The following PARP8 variants were observed in gnomAD, a reference collection of about 807,000 sequenced individuals.
The protein encoded by PARP8 is poly(ADP-ribose) polymerase family member 8, also known as protein mono-ADP-ribosyltransferase PARP8.
PARP8 carries 51 observed loss-of-function variants against 124.1 expected under a neutral mutation model. That is an observed-to-expected ratio of 0.41 (90% CI 0.33 to 0.52). The LOEUF (loss-of-function observed/expected upper bound fraction) is 0.52, where lower values mean the gene tolerates loss of function less well. Ranked by LOEUF, PARP8 falls within the 20% of genes least tolerant of loss-of-function variation. The pLI, the probability that PARP8 is intolerant of heterozygous loss-of-function variation, is 0.21. For missense variants in PARP8, 860 were observed against 1,018.9 expected (o/e 0.84, Z 2.12); for synonymous variants, 391 against 361.5 (o/e 1.08, Z -0.93).
chr5:50,747,771 T>A (rs1484603980), intron 2 of PARP8, among the ~76,000 whole-genome samples: 1 of 121,582 alleles, frequency 8.2e-6, no homozygotes, highest in Admixed American at 8.1e-5. Flanking sequence ...CTTTTTTTTT[T>A]TTTTTTTTTT....
intron 24 of PARP8, 148 bp downstream of exon 24, chr5:50,834,196 G>A (rs1747310699): frequency 1.7e-6 from 1 of 605,300 alleles, no homozygotes; most frequent in Non-Finnish European, 2.8e-6. Context: ...GCAAAAACGG[G>A]TACCGTAGAG....
chr5:50,803,442 T>G (rs1450162049), intron 14 of PARP8, among the ~76,000 whole-genome samples: 1 of 152,186 alleles, frequency 6.6e-6, no homozygotes, highest in African/African-American at 2.4e-5. Context: ...CCTCTTTCCT[T>G]CTGGAATTTC....
rs578081470 is a variant in PARP8 at position 50,695,811 on chromosome 5, G to GT, written c.146+27691dup. Among the ~76,000 whole-genome samples, 50 of 152,184 alleles carry GT rather than the reference G, an allele frequency of 3.3e-4. 1 individual carries two copies. In the East Asian group the frequency reaches 7.1e-3, roughly 22 times the overall value. ...TCAAGCTTTAGTGTACCTGAACAAT[G>GT]TTTTTGTGATTTAGAGCTGCTATGG... On this transcript the variant is annotated intron_variant, in intron 2 of 25. Coordinates refer to ENST00000281631, the MANE Select transcript of PARP8 (RefSeq NM_024615.4).
chr5:50,732,213 A>G (rs1757038485), intron 2 of PARP8, among the ~76,000 whole-genome samples: 2 of 152,234 alleles, frequency 1.3e-5, no homozygotes, highest in Admixed American at 6.5e-5. Flanking sequence ...TAGAAATACA[A>G]TACGATACAT....
intron 7 of PARP8, among the ~76,000 whole-genome samples, chr5:50,767,993 G>A (rs780364868): frequency 5.9e-5 from 9 of 151,438 alleles, no homozygotes; most frequent in African/African-American, 1.5e-4. Context: ...ATGCATGCAC[G>A]TATGTGTATA....
At chr5:50,744,932 A>G (rs980983357) in intron 2 of PARP8, 12 of 581,422 alleles carry the variant, frequency 2.1e-5, no homozygotes, top group South Asian at 1.1e-4. Flanking sequence ...TCTGCAATCT[A>G]CTTAAGCTTT....
chr5:50,680,060 A>G (rs1751114679), intron 2 of PARP8, among the ~76,000 whole-genome samples: 1 of 152,176 alleles, frequency 6.6e-6, no homozygotes, highest in Non-Finnish European at 1.5e-5. Context: ...CACGATTTAT[A>G]TGTTTGAGGA....
intron 14 of PARP8, among the ~76,000 whole-genome samples, chr5:50,813,951 G>A (rs1341130002): frequency 6.6e-6 from 1 of 151,996 alleles, no homozygotes; most frequent in African/African-American, 2.4e-5. Flanking sequence ...TGAGATTGAT[G>A]GATTTTAATC....
intron 2 of PARP8, among the ~76,000 whole-genome samples, chr5:50,694,613 C>A (rs1752827782): frequency 6.6e-6 from 1 of 152,062 alleles, no homozygotes; most frequent in Admixed American, 6.6e-5. Flanking sequence ...GAGATATTAC[C>A]TTCTAGAAAC....
intron 11 of PARP8, 27 bp downstream of exon 11, chr5:50,794,359 T>C: frequency 6.2e-7 from 1 of 1,609,658 alleles, no homozygotes; most frequent in East Asian, 2.2e-5. Context: ...TTCGTCATTG[T>C]CTTACTGAAT....
At chr5:50,703,984 A>G (rs1406792763) in intron 2 of PARP8, among the ~76,000 whole-genome samples, 1 of 152,192 alleles carries the variant, frequency 6.6e-6, no homozygotes, top group East Asian at 1.9e-4. Context: ...ACAGCAAGAT[A>G]TAAAATTCAA....
intron 2 of PARP8, among the ~76,000 whole-genome samples, chr5:50,698,615 A>C (rs1753275509): frequency 3.3e-5 from 5 of 152,164 alleles, no homozygotes; most frequent in Admixed American, 1.3e-4. Context: ...AGCAGGAGAA[A>C]AGCCAAGGAC....
chr5:50,680,044 C>T (rs1751112456), intron 2 of PARP8, among the ~76,000 whole-genome samples: 2 of 152,098 alleles, frequency 1.3e-5, no homozygotes, highest in South Asian at 4.1e-4. Flanking sequence ...CCTGAATGAA[C>T]TGCCTCACGA....
At chr5:50,704,160 G>A (rs143295391) in intron 2 of PARP8, among the ~76,000 whole-genome samples, 3 of 152,202 alleles carry the variant, frequency 2.0e-5, no homozygotes, top group African/African-American at 7.2e-5. Context: ...AAGCTGGAGA[G>A]TTTAGCTTCC....
intron 2 of PARP8, chr5:50,741,901 C>T (rs542126318): frequency 9.0e-4 from 396 of 438,954 alleles, no homozygotes; most frequent in Non-Finnish European, 1.6e-3. Context: ...CCTCCGCCTC[C>T]CAGGTTCAAG....
At chr5:50,733,165 G>A (rs1302980281) in intron 2 of PARP8, among the ~76,000 whole-genome samples, 7 of 151,896 alleles carry the variant, frequency 4.6e-5, no homozygotes, top group Middle Eastern at 3.4e-3. Flanking sequence ...TTAGCCAGGC[G>A]TGGTGTTGTG....
intron 2 of PARP8, among the ~76,000 whole-genome samples, chr5:50,690,551 C>T (rs1752383900): frequency 6.6e-6 from 1 of 152,144 alleles, no homozygotes; most frequent in Admixed American, 6.5e-5. Flanking sequence ...CTATTAACTT[C>T]CTCTCAATTT....
At chr5:50,795,793 G>C (rs113243345) in intron 12 of PARP8, among the ~76,000 whole-genome samples, 2,335 of 152,272 alleles carry the variant, frequency 0.015, 63 homozygotes, top group African/African-American at 0.054. Flanking sequence ...CATGAGTGGT[G>C]GAGGACCACA....
chr5:50,752,727 TAATATACCTTAG>T (rs1446432659), intron 3 of PARP8, among the ~76,000 whole-genome samples: 1 of 152,102 alleles, frequency 6.6e-6, no homozygotes, highest in Non-Finnish European at 1.5e-5. Context: ...TTCTTTCTAA[TAATATACCTTAG>T]GCTTCCCCTC....
Sources: gnomAD v4.1 joint callset for allele counts (sites outside exome capture counted in the v4.1 genomes callset) on GRCh38, gnomAD v4.1.1 for gene constraint, MANE v1.5 for transcripts, NCBI Gene and HGNC (gene_info 2026-07-23, HGNC 2026-07-21) for gene names.